Variants in ZFHX3 observed in about 807,000 individuals in gnomAD.
ZFHX3 encodes zinc finger homeobox protein 3.
In ZFHX3, 42 loss-of-function variants were observed where a neutral mutation model predicts 279.1. The observed-to-expected ratio is 0.15, with a 90% CI of 0.12 to 0.19. ZFHX3 has a LOEUF of 0.19. Among genes scored for constraint, ZFHX3 ranks in the 10% least tolerant of loss-of-function variants. The pLI is 1.00. For missense variants in ZFHX3, 4,981 were observed against 4,754.0 expected, an observed-to-expected ratio of 1.05 and a Z score of -1.40; for synonymous variants, 2,293 against 1,957.8, an observed-to-expected ratio of 1.17 and a Z score of -4.52.
chr16:73,822,595 G>A (rs541227115), intron 1 of ZFHX3, among the ~76,000 whole-genome samples: 27 of 151,840 alleles, frequency 1.8e-4, no homozygotes, highest in Non-Finnish European at 3.4e-4. Flanking sequence ...AGTTCTGCTC[G>A]GCATAGATAC....
intron 2 of ZFHX3, among the ~76,000 whole-genome samples, chr16:73,573,744 C>T (rs553579984): frequency 1.2e-4 from 18 of 152,298 alleles, no homozygotes; most frequent in African/African-American, 4.3e-4. Flanking sequence ...TTATTTTCCA[C>T]CAGTGTGGTT....
intron 2 of ZFHX3, among the ~76,000 whole-genome samples, chr16:73,500,928 G>A (rs927076786): frequency 1.3e-5 from 2 of 152,208 alleles, no homozygotes; most frequent in African/African-American, 2.4e-5. Context: ...AATGCTTACA[G>A]TCTACAGTAG....
intron 2 of ZFHX3, among the ~76,000 whole-genome samples, chr16:73,536,552 C>T (rs555966385): frequency 6.6e-6 from 1 of 152,224 alleles, no homozygotes; most frequent in Non-Finnish European, 1.5e-5. Flanking sequence ...TAACCTAAGT[C>T]AAAGTATCTA....
At chr16:73,028,150 C>T (rs926372456) in intron 1 of ZFHX3, among the ~76,000 whole-genome samples, 10 of 152,118 alleles carry the variant, frequency 6.6e-5, no homozygotes, top group Non-Finnish European at 1.3e-4. Flanking sequence ...AGTGTGGGGA[C>T]AGAGCTTCAG....
intron 1 of ZFHX3, among the ~76,000 whole-genome samples, chr16:73,055,169 T>A (rs937676054): frequency 6.6e-6 from 1 of 152,020 alleles, no homozygotes; most frequent in Non-Finnish European, 1.5e-5. Flanking sequence ...GAATAACTGG[T>A]CTTGTGCACT....
chr16:73,492,235 T>G (rs889797033), intron 2 of ZFHX3, among the ~76,000 whole-genome samples: 3 of 152,144 alleles, frequency 2.0e-5, no homozygotes, highest in African/African-American at 7.2e-5. Context: ...TCACCCAAGC[T>G]GGAAACCTTA....
chr16:73,466,855 A>G (rs2018582906), intron 2 of ZFHX3, among the ~76,000 whole-genome samples: 1 of 152,208 alleles, frequency 6.6e-6, no homozygotes. Context: ...GAGGATGTTC[A>G]GGAGACTGGG....
chr16:73,483,006 G>A (rs1398678005), intron 2 of ZFHX3, among the ~76,000 whole-genome samples: 1 of 152,228 alleles, frequency 6.6e-6, no homozygotes, highest in African/African-American at 2.4e-5. Flanking sequence ...AAGAGAGAGA[G>A]CTTCGTAGCT....
At chr16:73,584,926 T>C (rs916598536) in intron 2 of ZFHX3, among the ~76,000 whole-genome samples, 5 of 152,128 alleles carry the variant, frequency 3.3e-5, no homozygotes, top group Admixed American at 3.3e-4. Flanking sequence ...GCAAAGGACA[T>C]GAATAGACAC....
chr16:73,316,302 A>C (rs1487894543), intron 4 of ZFHX3, among the ~76,000 whole-genome samples: 1 of 152,226 alleles, frequency 6.6e-6, no homozygotes, highest in East Asian at 1.9e-4. Context: ...TAAAGGTGAC[A>C]GGACACGAGG....
intron 3 of ZFHX3, among the ~76,000 whole-genome samples, chr16:72,890,662 G>T (rs78217729): frequency 0.04 from 6,019 of 152,232 alleles, 401 homozygotes; most frequent in African/African-American, 0.14. Context: ...GTGCAACACC[G>T]GCTTTCCTGG....
At chr16:73,877,208 G>GGA (rs2029981222) in intron 1 of ZFHX3, among the ~76,000 whole-genome samples, 1 of 141,462 alleles carries the variant, frequency 7.1e-6, no homozygotes, top group African/African-American at 2.6e-5. Flanking sequence ...AGGTCGGGGG[G>GGA]GGGTCCCAGG....
At chr16:72,824,583 C>CT (rs1469046383) in intron 5 of ZFHX3, among the ~76,000 whole-genome samples, 1 of 152,170 alleles carries the variant, frequency 6.6e-6, no homozygotes, top group African/African-American at 2.4e-5. Flanking sequence ...CACCAATACC[C>CT]TCTGGTCATC....
At chr16:73,129,256 T>G (rs1260687958) in intron 7 of ZFHX3, among the ~76,000 whole-genome samples, 1 of 151,874 alleles carries the variant, frequency 6.6e-6, no homozygotes, top group Non-Finnish European at 1.5e-5. Context: ...GGCGTGGTGG[T>G]GGGTTCCTGT....
intron 7 of ZFHX3, among the ~76,000 whole-genome samples, chr16:73,114,304 GAAGAT>G (rs77663486): frequency 0.16 from 24,363 of 152,018 alleles, 2,560 homozygotes; most frequent in East Asian, 0.37. Context: ...CACTATGGTT[GAAGAT>G]AAGTTGGAAT....
chr16:73,353,912 G>A (rs1299712530), intron 3 of ZFHX3, among the ~76,000 whole-genome samples: 1 of 152,082 alleles, frequency 6.6e-6, no homozygotes, highest in Admixed American at 6.6e-5. Flanking sequence ...CATAAAATAC[G>A]CCATGCGCTG....
intron 1 of ZFHX3, among the ~76,000 whole-genome samples, chr16:73,689,237 G>A (rs2053122332): frequency 6.6e-6 from 1 of 152,196 alleles, no homozygotes; most frequent in Admixed American, 6.5e-5. Flanking sequence ...AAAGTTCTAT[G>A]TCACTATCAG....
chr16:73,478,726 T>C (rs372164311), intron 2 of ZFHX3, among the ~76,000 whole-genome samples: 2 of 152,090 alleles, frequency 1.3e-5, no homozygotes, highest in Non-Finnish European at 2.9e-5. Context: ...GCAAATCCCA[T>C]CTGATTAAGG....
intron 4 of ZFHX3, among the ~76,000 whole-genome samples, chr16:72,881,132 G>A (rs987298908): frequency 5.3e-5 from 8 of 152,212 alleles, no homozygotes; most frequent in African/African-American, 1.9e-4. Context: ...GCTGAGCATG[G>A]TCCAACAGAA....
Sources: gnomAD v4.1 joint callset for allele counts (sites outside exome capture counted in the v4.1 genomes callset) on GRCh38, gnomAD v4.1.1 for gene constraint, MANE v1.5 for transcripts, NCBI Gene and HGNC (gene_info 2026-07-23, HGNC 2026-07-21) for gene names.